The following FNIP1 variants were observed in gnomAD, a reference collection of about 807,000 sequenced individuals.
The protein encoded by FNIP1 is folliculin-interacting protein 1.
Under a neutral mutation model 124.5 loss-of-function variants are expected in FNIP1, and 40 were observed. The observed-to-expected ratio is 0.32, with a 90% CI of 0.25 to 0.42. The LOEUF (loss-of-function observed/expected upper bound fraction) is 0.42, where lower values mean the gene tolerates loss of function less well. FNIP1 is among the 10% of genes least tolerant of loss of function. FNIP1 has a pLI of 1.00. For synonymous variants in FNIP1, 472 were observed against 470.6 expected (o/e 1.00, Z -0.04); for missense variants, 1,176 against 1,403.7 (o/e 0.84, Z 2.59).
intron 15 of FNIP1, among the ~76,000 whole-genome samples, chr5:131,662,251 G>A (rs1767463116): frequency 6.6e-6 from 1 of 151,944 alleles, no homozygotes; most frequent in Admixed American, 6.6e-5. Context: ...AATTCTTGGG[G>A]ATCATGGAGA....
chr5:131,725,290 G>A (rs1053550797), intron 3 of FNIP1, among the ~76,000 whole-genome samples: 5 of 152,138 alleles, frequency 3.3e-5, no homozygotes, highest in Non-Finnish European at 5.9e-5. Context: ...ATTACTATAG[G>A]CATGATAGCC....
intron 9 of FNIP1, among the ~76,000 whole-genome samples, 180 bp downstream of exon 9, chr5:131,706,231 G>T (rs894735953): frequency 4.6e-5 from 7 of 152,042 alleles, no homozygotes; most frequent in Non-Finnish European, 7.4e-5. Context: ...ACCTAAAAAT[G>T]GTTAAAATTG....
At chr5:131,668,676 C>T (rs573189352) in intron 15 of FNIP1, among the ~76,000 whole-genome samples, 75 of 152,286 alleles carry the variant, frequency 4.9e-4, no homozygotes, top group African/African-American at 1.8e-3. Flanking sequence ...CAGAGCTAGA[C>T]TCTGTCTCAA....
chr5:131,659,884 T>G (rs919858399), intron 15 of FNIP1, among the ~76,000 whole-genome samples: 1 of 152,204 alleles, frequency 6.6e-6, no homozygotes, highest in African/African-American at 2.4e-5. Context: ...GTCATCCCAG[T>G]TGGTGATGAT....
chr5:131,645,225 G>C (rs1207972981), intron 17 of FNIP1, among the ~76,000 whole-genome samples: 1 of 151,876 alleles, frequency 6.6e-6, no homozygotes, highest in South Asian at 2.1e-4. Context: ...TGGAAGCTGA[G>C]GCAGAAAGAT....
chr5:131,759,840 G>A (rs955535034), intron 1 of FNIP1, among the ~76,000 whole-genome samples: 4 of 152,068 alleles, frequency 2.6e-5, no homozygotes, highest in African/African-American at 9.7e-5. Context: ...ATAAACCTAG[G>A]GGCCCATCAA....
intron 2 of FNIP1, among the ~76,000 whole-genome samples, chr5:131,738,777 G>A (rs973126569): frequency 1.3e-5 from 2 of 151,264 alleles, no homozygotes; most frequent in Admixed American, 1.3e-4. Flanking sequence ...GCCTCCCAAA[G>A]TGTGGGATTA....
At chr5:131,769,858 C>T (rs972531536) in intron 1 of FNIP1, among the ~76,000 whole-genome samples, 2 of 152,176 alleles carry the variant, frequency 1.3e-5, no homozygotes, top group African/African-American at 4.8e-5. Context: ...TACATGACTA[C>T]GAGAAAATCA....
chr5:131,733,194 T>C (rs952914124), intron 2 of FNIP1, among the ~76,000 whole-genome samples: 10 of 152,262 alleles, frequency 6.6e-5, no homozygotes, highest in East Asian at 3.8e-4. Flanking sequence ...CCTGAGACTT[T>C]GCTGAAGTTC....
chr5:131,796,999 A>T lies in FNIP1; in HGVS notation c.-78T>A. ...CTCCTACAGCCGCCCCGCCACCCCCATGGGCGCCTCAGTCATATGACAGAA... is the reference window on the plus strand; with the variant it reads ...CTCCTACAGCCGCCCCGCCACCCCCTTGGGCGCCTCAGTCATATGACAGAA... On this transcript the variant is annotated 5_prime_UTR_variant, in exon 1 of 18. The change abolishes an upstream ATG in the 5' untranslated region. Transcript: ENST00000510461. The T allele has an allele frequency of 3.1e-6, 4 of 1,285,642 alleles. No individual in the cohort carries two copies. The highest frequency in any genetic ancestry group is 4.3e-6 in the Non-Finnish European group (4 of 923,418). 79.6% of individuals were successfully genotyped at this position (1,285,642 alleles called of 1,614,324 possible).
chr5:131,778,406 C>G (rs1771883008), intron 1 of FNIP1, among the ~76,000 whole-genome samples: 1 of 151,814 alleles, frequency 6.6e-6, no homozygotes, highest in African/African-American at 2.4e-5. Context: ...TGCTCATCAT[C>G]ACTGGCCATC....
chr5:131,760,276 A>T (rs1771183428), intron 1 of FNIP1, among the ~76,000 whole-genome samples: 1 of 152,216 alleles, frequency 6.6e-6, no homozygotes, highest in African/African-American at 2.4e-5. Flanking sequence ...GTTAATTTTT[A>T]AAAAGGCTCC....
chr5:131,766,185 C>T (rs753422051), intron 1 of FNIP1, among the ~76,000 whole-genome samples: 2 of 151,694 alleles, frequency 1.3e-5, no homozygotes, highest in African/African-American at 2.4e-5. Flanking sequence ...CTCCTGGGCA[C>T]AAGTGATCCT....
rs200120089 is a variant in FNIP1 at position 131,657,017 on chromosome 5, G to GC, written c.3109-5019dup. On this transcript the variant is annotated intron_variant, in intron 15 of 17. Transcript: ENST00000510461. ...CTTTTTCTGGATTGAATCCACCCATGCCTTTTTTTTTTTTTTTTTTTTTTT... is the reference window on the plus strand; with the variant it reads ...CTTTTTCTGGATTGAATCCACCCATGCCCTTTTTTTTTTTTTTTTTTTTTTT... Among the ~76,000 whole-genome samples the GC allele has an allele frequency of 4.2e-3, 573 of 136,054 alleles. 4 individuals carry two copies. Among genetic ancestry groups the GC allele is most frequent in the African/African-American group, 0.014 (495 of 35,038 alleles). 89.3% of individuals were successfully genotyped at this position (136,054 alleles called of 152,430 possible). A position where few individuals can be genotyped will look rare whatever the true frequency, so the allele number is the denominator to read the frequency against.
chr5:131,785,018 GATATATATGACATAT>G (rs1772123468), intron 1 of FNIP1, among the ~76,000 whole-genome samples: 2 of 12,584 alleles, frequency 1.6e-4, no homozygotes, highest in African/African-American at 4.4e-4. Flanking sequence ...CTATATATAT[GATATATATGACATAT>G]ATATGATATA....
intron 11 of FNIP1, among the ~76,000 whole-genome samples, chr5:131,697,731 C>A (rs1187288703): frequency 2.6e-5 from 4 of 151,600 alleles, no homozygotes; most frequent in African/African-American, 9.7e-5. Flanking sequence ...TTTGGGAGGC[C>A]AAGGTGGGCG....
chr5:131,778,885 C>T (rs1272083990), intron 1 of FNIP1, among the ~76,000 whole-genome samples: 1 of 129,730 alleles, frequency 7.7e-6, no homozygotes, highest in Admixed American at 8.1e-5. Context: ...TCTCAGTAAA[C>T]TATCGCAAGA....
chr5:131,718,978 G>A lies in FNIP1; in HGVS notation c.530+8C>T, dbSNP rs1235243591. On this transcript the variant is annotated splice_region_variant and intron_variant, in intron 5 of 17. Transcript: ENST00000510461. Reference sequence around the variant, plus strand: ...GATACATTTCCCCCTGTATCCATAAGCACTTACGTATTGAGACTCCCACAA... The same window carrying A: ...GATACATTTCCCCCTGTATCCATAAACACTTACGTATTGAGACTCCCACAA... 1.2e-6 allele frequency: 2 copies of A among 1,610,674 alleles called. No homozygotes were observed. The highest frequency in any genetic ancestry group is 1.1e-5 in the South Asian group (1 of 90,958).
intron 12 of FNIP1, 70 bp downstream of exon 12, chr5:131,678,959 T>A (rs1047828056): frequency 4.8e-6 from 5 of 1,032,560 alleles, no homozygotes; most frequent in Non-Finnish European, 7.0e-6. Flanking sequence ...AGATAATGGA[T>A]GATTCTTCCA....
Sources: gnomAD v4.1 joint callset for allele counts (sites outside exome capture counted in the v4.1 genomes callset) on GRCh38, gnomAD v4.1.1 for gene constraint, MANE v1.5 for transcripts, NCBI Gene and HGNC (gene_info 2026-07-23, HGNC 2026-07-21) for gene names.